RBFOX1: variants seen among roughly 807,000 people sequenced by gnomAD.
The protein encoded by RBFOX1 is RNA binding fox-1 homolog 1.
A neutral mutation model predicts 57.7 loss-of-function variants in RBFOX1; 8 were observed. The ratio of observed to expected loss-of-function variants is 0.14; its 90% CI spans 0.08 to 0.25. The LOEUF is 0.25. RBFOX1 is among the 10% of genes least tolerant of loss of function. The pLI, the probability that RBFOX1 is intolerant of heterozygous loss-of-function variation, is 1.00. For missense variants in RBFOX1, 611 were observed against 548.5 expected, an observed-to-expected ratio of 1.11 and a Z score of -1.14; for synonymous variants, 326 against 222.4, an observed-to-expected ratio of 1.47 and a Z score of -4.15.
At chr16:7,709,560 T>C (rs1207332592) in intron 15 of RBFOX1, 3 of 1,530,744 alleles carry the variant, frequency 2.0e-6, no homozygotes, top group Admixed American at 2.0e-5. Flanking sequence ...GCCTCTGCTG[T>C]CAGGCAGCTG....
intron 3 of RBFOX1, among the ~76,000 whole-genome samples, chr16:6,748,645 C>A (rs1004505854): frequency 3.3e-5 from 5 of 152,138 alleles, no homozygotes; most frequent in African/African-American, 1.2e-4. Flanking sequence ...AGCAACAAGG[C>A]AAGATCCTGT....
chr16:6,636,797 G>A lies in RBFOX1; in HGVS notation c.-63-17806G>A, dbSNP rs12447136. On this transcript the variant is annotated intron_variant, in intron 2 of 15. Coordinates refer to ENST00000550418, the MANE Select transcript of RBFOX1 (RefSeq NM_018723.4). ...ATAATATATATAATATATAATATATGTTATATATAATATATAATATATAAT... is the reference window on the plus strand; with the variant it reads ...ATAATATATATAATATATAATATATATTATATATAATATATAATATATAAT... Among the ~76,000 whole-genome samples the A allele has an allele frequency of 3.9e-3, 14 of 3,630 alleles. 1 individual carries two copies. Among genetic ancestry groups the A allele is most frequent in the Admixed American group, 4.6e-3 (1 of 218 alleles). The allele number at this position is 3,630 out of a possible 152,430, so 2.4% of individuals were successfully genotyped here.
rs191614713 is a variant in RBFOX1 at position 7,416,610 on chromosome 16, A to G, written c.28-101537A>G. ...GCCTTCTTGTCTTCATGGATAGTGC[A>G]TATAGAAAAGCACCCACGATTCCCA... is the stretch of plus-strand genomic sequence containing the variant. On this transcript the variant is annotated intron_variant, in intron 4 of 15. Coordinates refer to ENST00000550418, the MANE Select transcript of RBFOX1 (RefSeq NM_018723.4). Among the ~76,000 whole-genome samples, 605 of 152,328 alleles carry G rather than the reference A, an allele frequency of 4.0e-3. 7 individuals carry two copies. Among genetic ancestry groups the G allele is most frequent in the African/African-American group, 0.011 (447 of 41,570 alleles).
chr16:6,897,943 C>G lies in RBFOX1; in HGVS notation c.-15-154114C>G, dbSNP rs550659369. On this transcript the variant is annotated intron_variant, in intron 3 of 15. Transcript: ENST00000550418. Reference sequence around the variant, plus strand: ...ACACGAGCTACCCTCTGTGTCTCACCAGGTCGGATCCCTGTGTTATAGGTA... The same window carrying G: ...ACACGAGCTACCCTCTGTGTCTCACGAGGTCGGATCCCTGTGTTATAGGTA... 3.3e-5 allele frequency among the ~76,000 whole-genome samples: 5 copies of G among 152,264 alleles called. No individual in the cohort carries two copies. The East Asian group carries it at 9.7e-4, about 29-fold the overall frequency.
intron 4 of RBFOX1, among the ~76,000 whole-genome samples, chr16:7,192,177 A>C (rs984062614): frequency 6.6e-6 from 1 of 152,366 alleles, no homozygotes; most frequent in East Asian, 1.9e-4. Flanking sequence ...TAGCGGTTCT[A>C]GTTCTGATGC....
At chr16:6,496,774 A>G (rs1567441701) in intron 2 of RBFOX1, among the ~76,000 whole-genome samples, 1 of 152,134 alleles carries the variant, frequency 6.6e-6, no homozygotes, top group African/African-American at 2.4e-5. Context: ...AGCCTGGCCA[A>G]CATGGTGAAA....
intron 2 of RBFOX1, among the ~76,000 whole-genome samples, chr16:5,513,513 C>G (rs1414184494): frequency 6.6e-6 from 1 of 152,146 alleles, no homozygotes; most frequent in Non-Finnish European, 1.5e-5. Flanking sequence ...TCATTCTGTG[C>G]TCTTTGGGAG....
At chr16:5,421,577 C>T (rs750182019) in intron 1 of RBFOX1, among the ~76,000 whole-genome samples, 3 of 152,102 alleles carry the variant, frequency 2.0e-5, no homozygotes, top group African/African-American at 4.8e-5. Context: ...GAGTGAGGCT[C>T]CTTGGCCCAG....
chr16:6,982,881 T>C (rs534717058), intron 3 of RBFOX1, among the ~76,000 whole-genome samples: 23 of 148,912 alleles, frequency 1.5e-4, no homozygotes, highest in African/African-American at 5.5e-4. Context: ...TAATCCAAGA[T>C]ACTTGGGAGG....
At chr16:6,072,552 C>T (rs909581581) in intron 1 of RBFOX1, among the ~76,000 whole-genome samples, 2 of 151,632 alleles carry the variant, frequency 1.3e-5, no homozygotes, top group Non-Finnish European at 2.9e-5. Flanking sequence ...ATAGTGGCTA[C>T]ATATCTACAT....
At chr16:7,624,128 C>G (rs577182644) in intron 10 of RBFOX1, among the ~76,000 whole-genome samples, 6 of 152,162 alleles carry the variant, frequency 3.9e-5, no homozygotes, top group Admixed American at 6.5e-5. Flanking sequence ...CTTTGTAATG[C>G]CAGTAAAGGA....
chr16:6,253,267 C>T (rs534279985), intron 1 of RBFOX1, among the ~76,000 whole-genome samples: 1 of 152,290 alleles, frequency 6.6e-6, no homozygotes, highest in African/African-American at 2.4e-5. Context: ...TTTCACCTAA[C>T]AGATCTTTCC....
intron 4 of RBFOX1, among the ~76,000 whole-genome samples, chr16:7,507,918 AC>A (rs926507707): frequency 1.9e-4 from 28 of 151,152 alleles, no homozygotes; most frequent in African/African-American, 5.6e-4. Flanking sequence ...CTGACTAAGG[AC>A]CCATGTTCTG....
intron 1 of RBFOX1, among the ~76,000 whole-genome samples, chr16:6,294,748 G>T (rs1437561036): frequency 6.6e-6 from 1 of 152,152 alleles, no homozygotes; most frequent in African/African-American, 2.4e-5. Context: ...ATATCACTCT[G>T]TTAAAATGTA....
At chr16:6,730,414 C>G (rs562369280) in intron 3 of RBFOX1, among the ~76,000 whole-genome samples, 9 of 152,164 alleles carry the variant, frequency 5.9e-5, no homozygotes, top group African/African-American at 1.7e-4. Context: ...TCTGTCATCT[C>G]TCTATCTCAT....
intron 3 of RBFOX1, among the ~76,000 whole-genome samples, chr16:7,051,183 A>C (rs556509579): frequency 6.6e-6 from 1 of 152,340 alleles, no homozygotes; most frequent in South Asian, 2.1e-4. Context: ...ATTTTATTTC[A>C]GCTTAACTAT....
intron 4 of RBFOX1, among the ~76,000 whole-genome samples, chr16:7,203,146 T>A (rs779571664): frequency 1.3e-5 from 2 of 152,212 alleles, no homozygotes; most frequent in African/African-American, 4.8e-5. Context: ...TACAAGTGTT[T>A]ATCAATGATG....
At chr16:6,725,081 T>A (rs541683158) in intron 3 of RBFOX1, among the ~76,000 whole-genome samples, 1 of 139,902 alleles carries the variant, frequency 7.1e-6, no homozygotes, top group East Asian at 2.3e-4. Flanking sequence ...GACAAAGTCT[T>A]GCTCTGTCGC....
intron 6 of RBFOX1, among the ~76,000 whole-genome samples, chr16:7,585,877 C>G (rs982020659): frequency 6.6e-6 from 1 of 152,138 alleles, no homozygotes; most frequent in Non-Finnish European, 1.5e-5. Context: ...TCCCCTGCTT[C>G]TTGTGTGGTC....
Sources: gnomAD v4.1 joint callset for allele counts (sites outside exome capture counted in the v4.1 genomes callset) on GRCh38, gnomAD v4.1.1 for gene constraint, MANE v1.5 for transcripts, NCBI Gene and HGNC (gene_info 2026-07-23, HGNC 2026-07-21) for gene names.